LARGE1: variants seen among roughly 807,000 people sequenced by gnomAD.
LARGE1 encodes xylosyl- and glucuronyltransferase LARGE1.
LARGE1 carries 43 observed loss-of-function variants against 87.6 expected under a neutral mutation model. The observed-to-expected ratio is 0.49, with a 90% CI of 0.38 to 0.63. The LOEUF is 0.63. Among genes scored for constraint, LARGE1 ranks in the 30% least tolerant of loss-of-function variants. The probability of loss-of-function intolerance (pLI) is 0.00; values close to 1 mark genes in which losing one functional copy is unlikely to be tolerated. For synonymous variants in LARGE1, 434 were observed against 394.6 expected, an observed-to-expected ratio of 1.10 and a Z score of -1.18; for missense variants, 802 against 1,000.2, an observed-to-expected ratio of 0.80 and a Z score of 2.67.
intron 10 of LARGE1, among the ~76,000 whole-genome samples, chr22:33,321,274 C>T (rs937292117): frequency 6.6e-6 from 1 of 152,218 alleles, no homozygotes; most frequent in Non-Finnish European, 1.5e-5. Context: ...TTTTTGTCCT[C>T]AAACCTCACC....
intron 13 of LARGE1, among the ~76,000 whole-genome samples, chr22:33,279,493 C>T (rs547506721): frequency 6.6e-6 from 1 of 152,272 alleles, no homozygotes; most frequent in Admixed American, 6.5e-5. Context: ...AGGCTGGACT[C>T]CCCCCAAACC....
intron 1 of LARGE1, among the ~76,000 whole-genome samples, chr22:33,854,697 T>A (rs2063707439): frequency 6.6e-6 from 1 of 151,770 alleles, no homozygotes; most frequent in East Asian, 1.9e-4. Context: ...AAGGTCCAAT[T>A]TAACAAAGAC....
chr22:33,534,968 C>T (rs751560341), intron 6 of LARGE1, among the ~76,000 whole-genome samples: 7 of 152,178 alleles, frequency 4.6e-5, no homozygotes, highest in East Asian at 3.9e-4. Flanking sequence ...TAACTTAATA[C>T]GACTTTACAT....
chr22:33,716,144 A>G (rs1302438435), intron 2 of LARGE1, among the ~76,000 whole-genome samples: 1 of 152,210 alleles, frequency 6.6e-6, no homozygotes, highest in Non-Finnish European at 1.5e-5. Context: ...ATCTGTTCCC[A>G]TAAAATGACT....
At chr22:33,498,967 G>A (rs892392772) in intron 6 of LARGE1, among the ~76,000 whole-genome samples, 10 of 151,714 alleles carry the variant, frequency 6.6e-5, no homozygotes, top group African/African-American at 9.7e-5. Flanking sequence ...GGGAGATTCC[G>A]TCTCAAAAAA....
chr22:33,788,697 G>T (rs1225302875), intron 1 of LARGE1, among the ~76,000 whole-genome samples: 2 of 152,142 alleles, frequency 1.3e-5, no homozygotes, highest in African/African-American at 2.4e-5. Flanking sequence ...AAAAAGACTG[G>T]TGACATTTTG....
chr22:33,087,273 A>T, the LARGE1 span, among the ~76,000 whole-genome samples: 3 of 151,854 alleles, frequency 2.0e-5, no homozygotes, highest in African/African-American at 7.2e-5. Flanking sequence ...AAATAATTTA[A>T]TTGTATTATA....
At chr22:33,687,427 C>A (rs1253819541) in intron 2 of LARGE1, among the ~76,000 whole-genome samples, 1 of 151,124 alleles carries the variant, frequency 6.6e-6, no homozygotes, top group East Asian at 2.0e-4. Context: ...GCCGATAGAA[C>A]TTGGTTCTTA....
At chr22:33,200,851 G>A (rs1924345375) in intron 11 of LARGE1, among the ~76,000 whole-genome samples, 1 of 152,184 alleles carries the variant, frequency 6.6e-6, no homozygotes, top group African/African-American at 2.4e-5. Flanking sequence ...GGATTCTTTG[G>A]GGGATGATGA....
intron 3 of LARGE1, among the ~76,000 whole-genome samples, chr22:33,627,351 TC>T (rs761949999): frequency 8.8e-4 from 134 of 152,274 alleles, no homozygotes; most frequent in Non-Finnish European, 1.6e-3. Context: ...AGTTCATACT[TC>T]CGGATTTTGT....
chr22:33,637,141 A>G (rs2080291226), intron 3 of LARGE1, among the ~76,000 whole-genome samples: 1 of 152,150 alleles, frequency 6.6e-6, no homozygotes, highest in African/African-American at 2.4e-5. Flanking sequence ...AAATGCTGAC[A>G]CTGCCTTGTC....
intron 7 of LARGE1, among the ~76,000 whole-genome samples, chr22:33,419,083 T>G (rs2066603706): frequency 6.6e-6 from 1 of 151,962 alleles, no homozygotes; most frequent in Non-Finnish European, 1.5e-5. Context: ...TGGGGAGGCC[T>G]CAGGAAACTT....
At chr22:33,567,671 G>T (rs1420049459) in intron 5 of LARGE1, among the ~76,000 whole-genome samples, 3 of 152,156 alleles carry the variant, frequency 2.0e-5, no homozygotes, top group Admixed American at 6.5e-5. Context: ...GGTACACTGT[G>T]TAATGGTGGA....
chr22:33,576,894 T>C (rs907518130), intron 5 of LARGE1, among the ~76,000 whole-genome samples: 2 of 152,110 alleles, frequency 1.3e-5, no homozygotes, highest in African/African-American at 2.4e-5. Flanking sequence ...AAAATAAATA[T>C]CCATAAATGT....
intron 14 of LARGE1, among the ~76,000 whole-genome samples, chr22:33,276,215 G>GA (rs796973476): frequency 3.7e-4 from 48 of 130,406 alleles, no homozygotes; most frequent in African/African-American, 1.4e-3. Context: ...CAAAAGAAAA[G>GA]AAAAGAAAAA....
exon 12 of LARGE1, chr22:33,164,926 A>G (rs1279452107): frequency 6.6e-6 from 1 of 152,200 alleles, no homozygotes; most frequent in East Asian, 1.9e-4. Context: ...AATACCGCAC[A>G]TTCTCATTTA....
At chr22:33,816,689 T>TAGACAGACAGACAGAC (rs1226644906) in intron 1 of LARGE1, among the ~76,000 whole-genome samples, 1 of 132,364 alleles carries the variant, frequency 7.6e-6, no homozygotes, top group African/African-American at 2.7e-5. Flanking sequence ...GATAGATAGA[T>TAGACAGACAGACAGAC]AGACAGACAG....
intron 7 of LARGE1, among the ~76,000 whole-genome samples, chr22:33,426,539 C>A (rs2066885522): frequency 6.6e-6 from 1 of 152,158 alleles, no homozygotes; most frequent in East Asian, 1.9e-4. Context: ...GCCTAGATTG[C>A]ATATTTCTAT....
rs894004440 is a variant in LARGE1, at chr22:33,879,586, A to G, written c.-83+40409T>C. Among the ~76,000 whole-genome samples, 52 of 152,176 alleles carry G rather than the reference A, an allele frequency of 3.4e-4. 1 individual carries two copies. The highest frequency in any genetic ancestry group is 1.5e-4 in the Non-Finnish European group (10 of 68,038). On this transcript the variant is annotated intron_variant, in intron 1 of 14. Coordinates refer to ENST00000397394, the MANE Select transcript of LARGE1 (RefSeq NM_133642.5). ...TTGCTCTTCCTGTCCTCTGTGCTAG[A>G]ATATCTTTTCCCATCGACTTATTCT...
Sources: gnomAD v4.1 joint callset for allele counts (sites outside exome capture counted in the v4.1 genomes callset) on GRCh38, gnomAD v4.1.1 for gene constraint, MANE v1.5 for transcripts, NCBI Gene and HGNC (gene_info 2026-07-23, HGNC 2026-07-21) for gene names.